GSDMC: variants seen among roughly 807,000 people sequenced by gnomAD.
GSDMC encodes the protein gasdermin C, also known as gasdermin-C.
Under a neutral mutation model 58.0 loss-of-function variants are expected in GSDMC, and 59 were observed. The observed-to-expected ratio is 1.02, with a 90% CI of 0.82 to 1.26. The LOEUF (loss-of-function observed/expected upper bound fraction) is 1.26. Ranked by LOEUF, GSDMC falls within the 50% of genes most tolerant of loss-of-function variation. The probability of loss-of-function intolerance (pLI) is 0.00; values close to 1 mark genes in which losing one functional copy is unlikely to be tolerated. For synonymous variants in GSDMC, 241 were observed against 220.2 expected (o/e 1.09, Z -0.83); for missense variants, 659 against 598.5 (o/e 1.10, Z -1.06).
At chr8:129,730,611 C>T in the GSDMC span, among the ~76,000 whole-genome samples, 1 of 152,204 alleles carries the variant, frequency 6.6e-6, no homozygotes, top group African/African-American at 2.4e-5. Context: ...TCTTTCAATG[C>T]ATTAGTAAAA....
the GSDMC span, among the ~76,000 whole-genome samples, chr8:129,723,496 G>A: frequency 7.0e-6 from 1 of 142,964 alleles, no homozygotes; most frequent in African/African-American, 2.6e-5. Flanking sequence ...TCGAACTCCT[G>A]ACCTCATGAT....
At chr8:129,758,502 T>C (rs1437599494) in intron 6 of GSDMC, among the ~76,000 whole-genome samples, 2 of 152,102 alleles carry the variant, frequency 1.3e-5, no homozygotes, top group African/African-American at 4.8e-5. Context: ...TTAGAACTGA[T>C]AAACAAATTC....
chr8:129,725,802 A>G, the GSDMC span, among the ~76,000 whole-genome samples: 1 of 152,306 alleles, frequency 6.6e-6, no homozygotes, highest in Non-Finnish European at 1.5e-5. Context: ...ATTTTGAATT[A>G]TTTACCGGAG....
chr8:129,714,062 G>C, the GSDMC span, among the ~76,000 whole-genome samples: 3 of 152,182 alleles, frequency 2.0e-5, no homozygotes, highest in Non-Finnish European at 4.4e-5. Flanking sequence ...AGCTGCAGGG[G>C]AGAAAAACCC....
At chr8:129,718,558 A>G in the GSDMC span, among the ~76,000 whole-genome samples, 1 of 152,224 alleles carries the variant, frequency 6.6e-6, no homozygotes, top group Non-Finnish European at 1.5e-5. Context: ...ATGTGGAGAA[A>G]TTGTAACGCT....
At chr8:129,759,336 T>G (rs1250941636) in intron 6 of GSDMC, among the ~76,000 whole-genome samples, 1 of 152,060 alleles carries the variant, frequency 6.6e-6, no homozygotes, top group Non-Finnish European at 1.5e-5. Flanking sequence ...CCACAAGCAC[T>G]GGCAACTAAA....
the GSDMC span, among the ~76,000 whole-genome samples, chr8:129,724,257 T>C: frequency 6.6e-6 from 1 of 152,230 alleles, no homozygotes; most frequent in Non-Finnish European, 1.5e-5. Flanking sequence ...TGCAGTCACA[T>C]GTAAGACCCT....
Position 129,748,555 on chromosome 8 carries a change from G to A in GSDMC, c.1473C>T (p.Pro491=), listed in dbSNP as rs2033031936. The A allele has an allele frequency of 3.7e-6, 6 of 1,613,500 alleles. No individual in the cohort carries two copies. The highest frequency in any genetic ancestry group is 1.7e-5 in the Admixed American group (1 of 59,952). ...RSTWDVEAKM[P]LSALYGTLSL... is the part of the protein sequence containing the mutation. ...AGAGAGTCCCATAGAGGGCAGACAG[G>A]GGCATCTTTGCTTCTACATCCCAGG... The change falls in exon 14 of 14, where the codon CCC becomes CCT. Residue 491 remains proline (P), a synonymous_variant. Coordinates refer to ENST00000276708, the MANE Select transcript of GSDMC (RefSeq NM_031415.3).
the GSDMC span, among the ~76,000 whole-genome samples, chr8:129,709,269 TG>T: frequency 6.6e-6 from 1 of 152,160 alleles, no homozygotes; most frequent in Non-Finnish European, 1.5e-5. Flanking sequence ...TGAATGGCAC[TG>T]GAGGAATTTC....
At chr8:129,719,493 G>A in the GSDMC span, among the ~76,000 whole-genome samples, 3 of 152,276 alleles carry the variant, frequency 2.0e-5, no homozygotes, top group South Asian at 6.2e-4. Context: ...TAAGGAAACT[G>A]AAGACTTGAT....
the GSDMC span, among the ~76,000 whole-genome samples, chr8:129,728,187 C>T: frequency 1.3e-5 from 2 of 152,148 alleles, no homozygotes; most frequent in African/African-American, 4.8e-5. Flanking sequence ...AGTCTCCTCA[C>T]CCCTCTTGTG....
At chr8:129,735,922 G>C in the GSDMC span, among the ~76,000 whole-genome samples, 2 of 152,020 alleles carry the variant, frequency 1.3e-5, no homozygotes, top group South Asian at 4.1e-4. Context: ...GACTAATAAA[G>C]TAGAAAAGAG....
intron 1 of GSDMC, among the ~76,000 whole-genome samples, chr8:129,784,732 C>T (rs1233686454): frequency 6.6e-6 from 1 of 152,196 alleles, no homozygotes; most frequent in African/African-American, 2.4e-5. Context: ...ACCCAGCAAC[C>T]TCTCTGCTGG....
the GSDMC span, among the ~76,000 whole-genome samples, chr8:129,712,309 T>C: frequency 2.0e-5 from 3 of 152,154 alleles, no homozygotes; most frequent in Non-Finnish European, 1.5e-5. Flanking sequence ...AGCAGTTAGA[T>C]GATACAGACC....
intron 6 of GSDMC, among the ~76,000 whole-genome samples, chr8:129,755,375 A>G (rs2033386501): frequency 6.6e-6 from 1 of 152,212 alleles, no homozygotes; most frequent in African/African-American, 2.4e-5. Flanking sequence ...TGGCAAAAAT[A>G]TCCTCCAAGG....
the GSDMC span, chr8:129,728,854 T>G: frequency 1.6e-6 from 1 of 619,298 alleles, no homozygotes; most frequent in East Asian, 3.2e-5. Context: ...CTGGAGAGGC[T>G]GTTCGCCTGG....
At chr8:129,751,808 C>T in intron 9 of GSDMC, 54 bp downstream of exon 9, 1 of 1,553,866 alleles carries the variant, frequency 6.4e-7, no homozygotes, top group South Asian at 1.1e-5. Flanking sequence ...CCCTACTTAC[C>T]CCATGTGTGC....
intron 3 of GSDMC, 152 bp downstream of exon 3, chr8:129,775,950 G>T: frequency 1.7e-6 from 1 of 599,884 alleles, no homozygotes; most frequent in Non-Finnish European, 2.9e-6. Flanking sequence ...AGTAAAGGGA[G>T]GTATGAATAC....
downstream of GSDMC, among the ~76,000 whole-genome samples, chr8:129,746,117 C>T (rs2032956559): frequency 6.6e-6 from 1 of 152,080 alleles, no homozygotes; most frequent in African/African-American, 2.4e-5. Flanking sequence ...TCCATACAAG[C>T]ACACTACAGG....
Sources: gnomAD v4.1 joint callset for allele counts (sites outside exome capture counted in the v4.1 genomes callset) on GRCh38, gnomAD v4.1.1 for gene constraint, MANE v1.5 for transcripts, NCBI Gene and HGNC (gene_info 2026-07-23, HGNC 2026-07-21) for gene names.